The following FGF13 variants were observed in gnomAD, a reference collection of about 807,000 sequenced individuals.
The protein encoded by FGF13 is fibroblast growth factor homologous factor 2.
FGF13 carries 2 observed loss-of-function variants against 19.5 expected under a neutral mutation model. The ratio of observed to expected loss-of-function variants is 0.10; its 90% CI spans 0.04 to 0.32. The LOEUF (loss-of-function observed/expected upper bound fraction) is 0.32. FGF13 is among the 10% of genes least tolerant of loss of function. FGF13 has a pLI of 1.00. For missense variants in FGF13, 113 were observed against 192.7 expected (o/e 0.59, Z 2.45); for synonymous variants, 72 against 76.9 (o/e 0.94, Z 0.33).
In FGF13 at chrX:138,624,558, TAAAC is replaced by T. The variant is rs1044688987; in HGVS notation, c.*8288_*8291del. On this transcript the variant is annotated 3_prime_UTR_variant, in exon 5 of 5. Coordinates refer to ENST00000315930, the MANE Select transcript of FGF13 (RefSeq NM_004114.5). ...AAAAGCACATGCAACAAAGTAAAAA[TAAAC>T]AAGTCAGACTACATTAAATTAAAAA... is the stretch of plus-strand genomic sequence containing the variant. The T allele has an allele frequency of 1.8e-5, 2 of 110,384 alleles. No homozygotes were observed. The highest frequency in any genetic ancestry group is 3.8e-5 in the Non-Finnish European group (2 of 52,222). 9.1% of individuals were successfully genotyped at this position (110,384 alleles called of 1,213,427 possible).
At chrX:138,728,039 A>G (rs1397001100) in intron 1 of FGF13, among the ~76,000 whole-genome samples, 2 of 111,873 alleles carry the variant, frequency 1.8e-5, no homozygotes, top group Non-Finnish European at 3.8e-5. Flanking sequence ...AACTAAAGAA[A>G]AATGCGTGAA....
chrX:138,690,671 G>A (rs1320961893), intron 3 of FGF13, among the ~76,000 whole-genome samples: 1 of 111,276 alleles, frequency 9.0e-6, no homozygotes, highest in Non-Finnish European at 1.9e-5. Context: ...GCTAAAGTCT[G>A]TGGTGCCAAG....
chrX:139,052,538 T>C (rs1311454171), intron 1 of FGF13, among the ~76,000 whole-genome samples: 1 of 112,010 alleles, frequency 8.9e-6, no homozygotes, highest in African/African-American at 3.2e-5. Context: ...CTTACAAAAT[T>C]GCCCTTGTTT....
intron 1 of FGF13, among the ~76,000 whole-genome samples, chrX:139,201,493 A>G (rs2084414695): frequency 8.9e-6 from 1 of 112,194 alleles, no homozygotes; most frequent in Non-Finnish European, 1.9e-5. Flanking sequence ...ATTTCATCCA[A>G]TCATCTGTCA....
intron 1 of FGF13, among the ~76,000 whole-genome samples, chrX:138,877,344 G>C (rs1569416324): frequency 9.0e-6 from 1 of 111,466 alleles, no homozygotes. Flanking sequence ...TTCTCTATTA[G>C]AGAAAAAGAC....
chrX:139,159,428 C>A (rs934133922), intron 1 of FGF13, among the ~76,000 whole-genome samples: 56 of 110,960 alleles, frequency 5.0e-4, no homozygotes, highest in African/African-American at 1.8e-3. Context: ...AACAAATGGG[C>A]AAAATAACCA....
At chrX:138,797,333 T>G (rs2090786813) in intron 3 of FGF13, among the ~76,000 whole-genome samples, 1 of 111,481 alleles carries the variant, frequency 9.0e-6, no homozygotes, top group African/African-American at 3.3e-5. Context: ...TATTGCTTTT[T>G]TTTGGGTAAA....
chrX:138,798,493 T>G (rs1331021660), intron 3 of FGF13, among the ~76,000 whole-genome samples: 1 of 112,089 alleles, frequency 8.9e-6, no homozygotes, highest in African/African-American at 3.2e-5. Context: ...TTCACATCGA[T>G]GTTCATCAGG....
chrX:138,912,515 A>G (rs1268175094), intron 1 of FGF13, among the ~76,000 whole-genome samples: 4 of 111,643 alleles, frequency 3.6e-5, no homozygotes, highest in Non-Finnish European at 7.5e-5. Flanking sequence ...AGAGTTAGAA[A>G]CTTCTATAAA....
intron 1 of FGF13, among the ~76,000 whole-genome samples, chrX:139,037,916 A>G (rs897339815): frequency 9.0e-6 from 1 of 111,513 alleles, no homozygotes; most frequent in Non-Finnish European, 1.9e-5. Flanking sequence ...CTCTGGATCT[A>G]TACTCCACCC....
intron 2 of FGF13, among the ~76,000 whole-genome samples, chrX:138,863,474 A>T (rs961872754): frequency 1.8e-5 from 2 of 112,172 alleles, no homozygotes; most frequent in Admixed American, 1.9e-4. Context: ...GTAAAAAGCT[A>T]GATGATCACT....
In FGF13 at chrX:139,078,111, C is replaced by T. The variant is rs187344267; in HGVS notation, c.-113+125305G>A. ...TTCTGATTCATATGCCTACTTGAGT[C>T]AGAAATTCGGAATGATTTAAATGAG... On this transcript the variant is annotated intron_variant, in intron 1 of 2. Transcript: ENST00000421460. Among the ~76,000 whole-genome samples, 107 of 110,343 alleles carry T rather than the reference C, an allele frequency of 9.7e-4. 1 individual carries two copies. The highest frequency in any genetic ancestry group is 1.5e-3 in the Non-Finnish European group (77 of 52,934).
intron 1 of FGF13, among the ~76,000 whole-genome samples, chrX:139,167,686 T>G (rs780592641): frequency 8.9e-6 from 1 of 112,125 alleles, no homozygotes; most frequent in East Asian, 2.8e-4. Context: ...TCAGATCACA[T>G]AAGTGATAAC....
chrX:138,867,613 A>G (rs917980109), intron 1 of FGF13, among the ~76,000 whole-genome samples: 1 of 111,010 alleles, frequency 9.0e-6, no homozygotes, highest in African/African-American at 3.3e-5. Context: ...CTATAAAACC[A>G]TCAGATCTTC....
At chrX:138,930,384 T>G (rs2091695993) in intron 1 of FGF13, among the ~76,000 whole-genome samples, 1 of 112,206 alleles carries the variant, frequency 8.9e-6, no homozygotes, top group South Asian at 3.7e-4. Context: ...TTTATTTATT[T>G]TAATGTTCAC....
At chrX:139,112,818 ATCC>A (rs772773110) in intron 1 of FGF13, among the ~76,000 whole-genome samples, 1 of 112,176 alleles carries the variant, frequency 8.9e-6, no homozygotes, top group East Asian at 2.8e-4. Flanking sequence ...CTTCATTGCT[ATCC>A]TCCTCTTCAT....
intron 1 of FGF13, among the ~76,000 whole-genome samples, chrX:138,926,118 A>G (rs1251427051): frequency 8.9e-6 from 1 of 111,940 alleles, no homozygotes; most frequent in Non-Finnish European, 1.9e-5. Flanking sequence ...AATGGAGGTG[A>G]GTGGTTCCTC....
chrX:139,073,478 CT>C (rs990784161), intron 1 of FGF13, among the ~76,000 whole-genome samples: 8 of 111,496 alleles, frequency 7.2e-5, no homozygotes, highest in African/African-American at 9.8e-5. Flanking sequence ...TGAATCACCC[CT>C]ATTTCACTCA....
intron 1 of FGF13, among the ~76,000 whole-genome samples, chrX:138,979,532 C>CTT (rs1282833364): frequency 9.2e-6 from 1 of 108,319 alleles, no homozygotes; most frequent in African/African-American, 3.4e-5. Flanking sequence ...TTGTATATTC[C>CTT]TTTTTTTTTC....
Sources: allele counts gnomAD v4.1 joint callset (sites outside exome capture counted in the v4.1 genomes callset), GRCh38; gene constraint gnomAD v4.1.1; transcripts MANE v1.5; gene names NCBI Gene and HGNC (gene_info 2026-07-23, HGNC 2026-07-21).